The following CBFA2T2 variants were observed in gnomAD, a reference collection of about 807,000 sequenced individuals.
CBFA2T2 encodes protein CBFA2T2.
A neutral mutation model predicts 62.2 loss-of-function variants in CBFA2T2; 11 were observed. The observed-to-expected ratio is 0.18, with a 90% CI of 0.11 to 0.29. The LOEUF (loss-of-function observed/expected upper bound fraction) is 0.29. CBFA2T2 is among the 10% of genes least tolerant of loss of function. The probability of loss-of-function intolerance (pLI) is 1.00; values close to 1 mark genes in which losing one functional copy is unlikely to be tolerated. For synonymous variants in CBFA2T2, 295 were observed against 287.5 expected (o/e 1.03, Z -0.27); for missense variants, 592 against 774.1 (o/e 0.76, Z 2.79).
At chr20:33,633,594 C>G (rs940150523) in intron 8 of CBFA2T2, among the ~76,000 whole-genome samples, 1 of 152,092 alleles carries the variant, frequency 6.6e-6, no homozygotes, top group African/African-American at 2.4e-5. Flanking sequence ...TTTGTTCAGA[C>G]AGCAAGCAGT....
chr20:33,577,181 T>G (rs1247291609), intron 1 of CBFA2T2, among the ~76,000 whole-genome samples: 5 of 152,260 alleles, frequency 3.3e-5, no homozygotes, highest in African/African-American at 1.2e-4. Flanking sequence ...CAGTAAGCAG[T>G]GATGGCTGTT....
intron 1 of CBFA2T2, among the ~76,000 whole-genome samples, chr20:33,507,357 G>A (rs533096033): frequency 4.9e-4 from 74 of 152,244 alleles, no homozygotes; most frequent in Middle Eastern, 3.4e-3. Flanking sequence ...TCCTACCAAG[G>A]ATGGGCATCT....
At chr20:33,502,294 TC>T (rs2011299225) in intron 1 of CBFA2T2, among the ~76,000 whole-genome samples, 1 of 152,246 alleles carries the variant, frequency 6.6e-6, no homozygotes, top group East Asian at 1.9e-4. Flanking sequence ...GCCAGGGAGA[TC>T]CCCTTCAAGC....
rs1181183553 is a variant in CBFA2T2, at chr20:33,623,967, AAG to A, written c.692+673_692+674del. ...TAGAAAGAATTGGAAAAAAAAAAAA[AAG>A]AAAAGAAAAGAAAAAACAAAAAAAA... On this transcript the variant is annotated intron_variant, in intron 5 of 10. Transcript: ENST00000342704. 7 of 591,380 alleles carry A rather than the reference AAG, an allele frequency of 1.2e-5. No individual in the cohort carries two copies. The East Asian group carries it at 2.0e-4, about 17-fold the overall frequency. The allele number at this position is 591,380 out of a possible 1,614,324, so 36.6% of individuals were successfully genotyped here.
chr20:33,600,241 G>C (rs1461365307), intron 1 of CBFA2T2: 5 of 128,542 alleles, frequency 3.9e-5, no homozygotes, highest in Non-Finnish European at 4.7e-5. Flanking sequence ...TTCCAGGCTG[G>C]AGTGCAGTGG....
At chr20:33,514,444 GTA>G (rs1221025066) in intron 1 of CBFA2T2, among the ~76,000 whole-genome samples, 2 of 151,652 alleles carry the variant, frequency 1.3e-5, no homozygotes, top group Non-Finnish European at 2.9e-5. Flanking sequence ...CCAGGCAAAG[GTA>G]ATAGCGGGTG....
intron 1 of CBFA2T2, among the ~76,000 whole-genome samples, chr20:33,522,477 C>T (rs937504539): frequency 6.7e-6 from 1 of 148,498 alleles, no homozygotes; most frequent in African/African-American, 2.4e-5. Context: ...CCTGTACTCT[C>T]AGCGCTTTGG....
At chr20:33,579,505 T>C (rs2014006333) in intron 1 of CBFA2T2, among the ~76,000 whole-genome samples, 1 of 152,256 alleles carries the variant, frequency 6.6e-6, no homozygotes, top group African/African-American at 2.4e-5. Context: ...CCTATTCTTT[T>C]TGTAGAAATT....
chr20:33,519,144 A>G (rs575676398), intron 1 of CBFA2T2, among the ~76,000 whole-genome samples: 2 of 152,288 alleles, frequency 1.3e-5, no homozygotes, highest in South Asian at 4.1e-4. Flanking sequence ...GAATTCAGCC[A>G]ACCATGGATC....
intron 1 of CBFA2T2, among the ~76,000 whole-genome samples, chr20:33,555,087 A>G (rs2012857555): frequency 6.6e-6 from 1 of 152,222 alleles, no homozygotes; most frequent in South Asian, 2.1e-4. Flanking sequence ...AGCAAAGTAA[A>G]GGAATTACTT....
chr20:33,631,219 C>T (rs906719328), intron 8 of CBFA2T2, among the ~76,000 whole-genome samples: 1 of 152,168 alleles, frequency 6.6e-6, no homozygotes, highest in African/African-American at 2.4e-5. Context: ...GAGGTTGAGG[C>T]AGGAGAATGG....
At chr20:33,570,197 C>T (rs912213016) in intron 1 of CBFA2T2, among the ~76,000 whole-genome samples, 1 of 152,230 alleles carries the variant, frequency 6.6e-6, no homozygotes, top group African/African-American at 2.4e-5. Flanking sequence ...AGGAGAATCA[C>T]TTGAACCCAG....
chr20:33,493,919 T>C (rs1325573790), intron 1 of CBFA2T2, among the ~76,000 whole-genome samples: 1 of 152,024 alleles, frequency 6.6e-6, no homozygotes, highest in Non-Finnish European at 1.5e-5. Flanking sequence ...GTTTTGCTCT[T>C]GTTGCCCCAG....
At chr20:33,573,253 G>A (rs1012558251) in intron 1 of CBFA2T2, among the ~76,000 whole-genome samples, 1 of 152,080 alleles carries the variant, frequency 6.6e-6, no homozygotes, top group Non-Finnish European at 1.5e-5. Context: ...AGCCTAAAAT[G>A]TATGTTTATG....
rs969610281 is a variant in CBFA2T2 at position 33,606,565 on chromosome 20, G to A, written c.35-391G>A. 3.9e-5 allele frequency among the ~76,000 whole-genome samples: 6 copies of A among 152,092 alleles called. No individual in the cohort carries two copies. The East Asian group carries it at 1.2e-3, about 29-fold the overall frequency. On this transcript the variant is annotated intron_variant, in intron 1 of 10. Transcript: ENST00000342704. ...TGCTGGCACTCCTTGGCATTCCTCG[G>A]TGTATAGATGTGTCACTCTAGTCCC...
chr20:33,514,712 T>A (rs2011570702), intron 1 of CBFA2T2, among the ~76,000 whole-genome samples: 1 of 151,952 alleles, frequency 6.6e-6, no homozygotes, highest in Non-Finnish European at 1.5e-5. Flanking sequence ...TATTATTATT[T>A]TTAAAGACAA....
At position 33,619,691 on chromosome 20, in the gene CBFA2T2, C is replaced by T. The variant is rs75532831; in HGVS notation, c.510+85C>T. ...CCTGTTACGTGATTTAAATCAGAGC[C>T]GCTTGCCACGTTTTTAGATCTTTAT... On this transcript the variant is annotated intron_variant, in intron 4 of 10. Coordinates refer to ENST00000342704, the MANE Select transcript of CBFA2T2 (RefSeq NM_001032999.3). The T allele has an allele frequency of 8.3e-4, 775 of 934,198 alleles. 3 individuals are homozygous for T. The African/African-American group carries it at 0.012, about 14-fold the overall frequency. 57.9% of individuals were successfully genotyped at this position (934,198 alleles called of 1,614,324 possible).
Position 33,493,327 on chromosome 20 carries a change from C to T in CBFA2T2, c.34+3026C>T, listed in dbSNP as rs148608174. On this transcript the variant is annotated intron_variant, in intron 1 of 10. Transcript: ENST00000342704. Reference sequence around the variant, plus strand: ...CTGACCGCAGGTGATCTGCCCGCCTCGGCTTCCCAAAATGCTGGGATTACA... The same window carrying T: ...CTGACCGCAGGTGATCTGCCCGCCTTGGCTTCCCAAAATGCTGGGATTACA... 5.3e-5 allele frequency among the ~76,000 whole-genome samples: 8 copies of T among 152,090 alleles called. No homozygotes were observed. In the East Asian group the frequency reaches 5.8e-4, roughly 11 times the overall value.
intron 1 of CBFA2T2, among the ~76,000 whole-genome samples, chr20:33,527,507 G>C (rs2011924332): frequency 6.6e-6 from 1 of 151,686 alleles, no homozygotes; most frequent in South Asian, 2.1e-4. Context: ...CAAGTAGCTG[G>C]TATCACAGAT....
Sources: allele counts gnomAD v4.1 joint callset (sites outside exome capture counted in the v4.1 genomes callset), GRCh38; gene constraint gnomAD v4.1.1; transcripts MANE v1.5; gene names NCBI Gene and HGNC (gene_info 2026-07-23, HGNC 2026-07-21).